R3HDM1: variants seen among roughly 807,000 people sequenced by gnomAD.
R3HDM1 encodes the protein R3H domain containing 1, also known as R3H domain-containing protein 1.
Under a neutral mutation model 141.1 loss-of-function variants are expected in R3HDM1, and 46 were observed. The ratio of observed to expected loss-of-function variants is 0.33; its 90% CI spans 0.26 to 0.42. R3HDM1 has a LOEUF of 0.42. Among genes scored for constraint, R3HDM1 ranks in the 10% least tolerant of loss-of-function variants. The probability of loss-of-function intolerance (pLI) is 1.00; values close to 1 mark genes in which losing one functional copy is unlikely to be tolerated. For synonymous variants in R3HDM1, 435 were observed against 472.9 expected, an observed-to-expected ratio of 0.92 and a Z score of 1.04; for missense variants, 1,184 against 1,368.3, an observed-to-expected ratio of 0.87 and a Z score of 2.12.
At chr2:135,608,253 T>C (rs1268695739) in intron 3 of R3HDM1, among the ~76,000 whole-genome samples, 3 of 151,848 alleles carry the variant, frequency 2.0e-5, no homozygotes, top group African/African-American at 7.3e-5. Context: ...GAGGCGGAGG[T>C]TGCAGTGAAC....
At position 135,536,022 on chromosome 2, in the gene R3HDM1, T is replaced by G. The variant is rs139158641; in HGVS notation, c.-250+4389T>G. On this transcript the variant is annotated intron_variant, in intron 1 of 26. Transcript: ENST00000683871. ...TCTGAGAATTTTGAAAGCCCTATAG[T>G]TTATGATCTTTTTTCCCTCTTTGCC... Among the ~76,000 whole-genome samples the G allele has an allele frequency of 5.6e-3, 860 of 152,316 alleles. 7 individuals are homozygous for G. Among genetic ancestry groups the G allele is most frequent in the African/African-American group, 0.02 (818 of 41,566 alleles).
chr2:135,630,300 A>AAC (rs2062562941), intron 7 of R3HDM1, among the ~76,000 whole-genome samples: 1 of 145,662 alleles, frequency 6.9e-6, no homozygotes, highest in African/African-American at 2.7e-5. Flanking sequence ...AAAAAAAAAA[A>AAC]AAAAAAAACA....
Position 135,636,137 on chromosome 2 carries a change from GAGA to G in R3HDM1, c.864_866del (p.Glu289del). The G allele has an allele frequency of 1.2e-6, 2 of 1,613,200 alleles. No homozygotes were observed. The highest frequency in any genetic ancestry group is 1.3e-5 in the African/African-American group (1 of 75,004). On this transcript the variant is annotated inframe_deletion, in exon 11 of 27. Coordinates refer to ENST00000683871, the MANE Select transcript of R3HDM1 (RefSeq NM_001378107.1). ...AGAAGAAGCAAATCTATAGAAGAAA[GAGA>G]AGAAGAGTACCAGAGAGCCAGAGAC... is the stretch of plus-strand genomic sequence containing the variant.
chr2:135,592,816 C>T (rs1016380201), intron 1 of R3HDM1, among the ~76,000 whole-genome samples: 2 of 151,696 alleles, frequency 1.3e-5, no homozygotes, highest in Admixed American at 6.6e-5. Context: ...AATGCAGTGG[C>T]GCTATCGTAG....
intron 7 of R3HDM1, among the ~76,000 whole-genome samples, chr2:135,629,868 A>G (rs2062458224): frequency 6.6e-6 from 1 of 152,152 alleles, no homozygotes; most frequent in Non-Finnish European, 1.5e-5. Flanking sequence ...ATTGTTATGC[A>G]TGTTTCATGT....
Position 135,641,866 on chromosome 2 carries a change from T to C in R3HDM1, c.1474+76T>C, listed in dbSNP as rs2063820083. ...ACTTATTAAATGTATTTTCTGAATA[T>C]GTGTAGTCAGCTTTTTATTATTCAT... On this transcript the variant is annotated intron_variant, in intron 15 of 26. Coordinates refer to ENST00000683871, the MANE Select transcript of R3HDM1 (RefSeq NM_001378107.1). The C allele has an allele frequency of 4.2e-6, 6 of 1,412,668 alleles. No homozygotes were observed. In the South Asian group the frequency reaches 8.8e-5, roughly 21 times the overall value. The allele number at this position is 1,412,668 out of a possible 1,614,324, so 87.5% of individuals were successfully genotyped here. A position where few individuals can be genotyped will look rare whatever the true frequency, so the allele number is the denominator to read the frequency against.
intron 1 of R3HDM1, chr2:135,534,092 T>G (rs1177331350): frequency 2.3e-5 from 21 of 930,128 alleles, no homozygotes; most frequent in Non-Finnish European, 2.6e-5. Context: ...TAAGCACAGT[T>G]TGCGACTAGT....
chr2:135,701,613 T>C (rs2074221814), intron 21 of R3HDM1, among the ~76,000 whole-genome samples: 1 of 152,118 alleles, frequency 6.6e-6, no homozygotes, highest in South Asian at 2.1e-4. Context: ...GATCATCAAG[T>C]CGTGACAGTG....
chr2:135,699,045 AAGATAGATAAGATAGATT>A (rs2073816239), intron 21 of R3HDM1, among the ~76,000 whole-genome samples: 55 of 129,886 alleles, frequency 4.2e-4, no homozygotes, highest in African/African-American at 1.7e-3. Context: ...ATAGATAGAT[AAGATAGATAAGATAGATT>A]GATTAGATAG....
At chr2:135,531,696 C>G in intron 1 of R3HDM1, 63 bp downstream of exon 1, 1 of 986,182 alleles carries the variant, frequency 1.0e-6, no homozygotes, top group Non-Finnish European at 1.2e-6. Context: ...GCTCCCCTCC[C>G]CCGCCCGCCA....
At chr2:135,663,709 AG>A (rs906654523) in intron 19 of R3HDM1, among the ~76,000 whole-genome samples, 2 of 152,130 alleles carry the variant, frequency 1.3e-5, no homozygotes, top group African/African-American at 2.4e-5. Flanking sequence ...TTTTATAGTT[AG>A]CTCATCATTA....
intron 1 of R3HDM1, chr2:135,581,189 A>G: frequency 1.0e-6 from 1 of 985,316 alleles, no homozygotes; most frequent in South Asian, 4.7e-5. Context: ...ATGGTTGCCT[A>G]TATTAAGGTA....
At chr2:135,553,805 C>T (rs1017274647) in intron 1 of R3HDM1, among the ~76,000 whole-genome samples, 4 of 152,250 alleles carry the variant, frequency 2.6e-5, no homozygotes, top group African/African-American at 9.6e-5. Flanking sequence ...ATTCTCCTGC[C>T]TCAGCCTCCC....
At chr2:135,588,395 C>G (rs1165196431) in intron 1 of R3HDM1, among the ~76,000 whole-genome samples, 1 of 152,028 alleles carries the variant, frequency 6.6e-6, no homozygotes, top group Non-Finnish European at 1.5e-5. Flanking sequence ...CCACCCTACT[C>G]CCAGATCTTT....
chr2:135,540,919 C>G (rs966978032), intron 1 of R3HDM1, among the ~76,000 whole-genome samples: 5 of 152,198 alleles, frequency 3.3e-5, no homozygotes, highest in African/African-American at 1.2e-4. Context: ...AAGGAACATT[C>G]ATTCTTTTTA....
In R3HDM1 at chr2:135,554,600, G is replaced by A. The variant is rs371586996; in HGVS notation, c.-250+22967G>A. Reference sequence around the variant, plus strand: ...AAACTGCCAAACAGTTTTCTAAGGTGGCTATACCATTTTGCATTCTCATCA... The same window carrying A: ...AAACTGCCAAACAGTTTTCTAAGGTAGCTATACCATTTTGCATTCTCATCA... On this transcript the variant is annotated intron_variant, in intron 1 of 26. Transcript: ENST00000683871. Among the ~76,000 whole-genome samples the A allele has an allele frequency of 3.9e-5, 6 of 152,290 alleles. No individual in the cohort carries two copies. In the East Asian group the frequency reaches 1.2e-3, roughly 29 times the overall value.
intron 3 of R3HDM1, among the ~76,000 whole-genome samples, chr2:135,614,272 A>G (rs779965896): frequency 7.9e-5 from 12 of 152,232 alleles, no homozygotes; most frequent in Non-Finnish European, 1.6e-4. Flanking sequence ...TACGATAGGA[A>G]CAATATACAG....
chr2:135,670,778 C>G (rs576535970), intron 19 of R3HDM1, among the ~76,000 whole-genome samples: 1 of 152,112 alleles, frequency 6.6e-6, no homozygotes, highest in African/African-American at 2.4e-5. Flanking sequence ...AATATTCAGG[C>G]CAGGTGCCGT....
chr2:135,536,868 C>G (rs1292114293), intron 1 of R3HDM1: 2 of 291,514 alleles, frequency 6.9e-6, no homozygotes, highest in Non-Finnish European at 1.0e-5. Context: ...GATTGCAAAC[C>G]TTACTGTGAA....
Sources: gnomAD v4.1 joint callset for allele counts (sites outside exome capture counted in the v4.1 genomes callset) on GRCh38, gnomAD v4.1.1 for gene constraint, MANE v1.5 for transcripts, NCBI Gene and HGNC (gene_info 2026-07-23, HGNC 2026-07-21) for gene names.